Variants in FAT1 observed in about 807,000 individuals in gnomAD.
FAT1 encodes FAT atypical cadherin 1.
A neutral mutation model predicts 329.8 loss-of-function variants in FAT1; 171 were observed. The observed-to-expected ratio is 0.52, with a 90% CI of 0.46 to 0.59. FAT1 has a LOEUF of 0.59. Ranked by LOEUF, FAT1 falls within the 20% of genes least tolerant of loss-of-function variation. FAT1 has a pLI of 0.00. For missense variants in FAT1, 5,672 were observed against 5,774.4 expected, an observed-to-expected ratio of 0.98 and a Z score of 0.57; for synonymous variants, 2,233 against 2,228.6, an observed-to-expected ratio of 1.00 and a Z score of -0.06.
intron 11 of FAT1, among the ~76,000 whole-genome samples, chr4:186,616,310 C>T (rs971274141): frequency 1.3e-5 from 2 of 152,136 alleles, no homozygotes; most frequent in South Asian, 4.2e-4. Flanking sequence ...CCAGTTCACC[C>T]TTTTCCAAGA....
intron 1 of FAT1, among the ~76,000 whole-genome samples, chr4:186,718,877 C>G (rs564532852): frequency 6.6e-6 from 1 of 152,006 alleles, no homozygotes; most frequent in Non-Finnish European, 1.5e-5. Flanking sequence ...CAGCCGTTCC[C>G]GCATCACAAG....
chr4:186,614,711 A>C (rs144377699), intron 11 of FAT1, among the ~76,000 whole-genome samples: 65 of 152,366 alleles, frequency 4.3e-4, no homozygotes, highest in African/African-American at 1.4e-3. Flanking sequence ...CAGAGAATAA[A>C]TATCTGTCGT....
chr4:186,596,634 G>A lies in FAT1; in HGVS notation c.12906C>T (p.Cys4302=), dbSNP rs1317706320. 4.3e-6 allele frequency: 7 copies of A among 1,610,528 alleles called. No individual in the cohort carries two copies. The highest frequency in any genetic ancestry group is 5.9e-6 in the Non-Finnish European group (7 of 1,178,296). The stretch of plus-strand genomic sequence containing the variant: ...GGGGAGGCAGGTTTGGCGCCACGCT[G>A]CAGACCGCCACTGCTTTTCGGTGCC... ...VHGHRKAVAV[C]SVAPNLPPPP... is the part of the protein sequence containing the mutation. The change falls in exon 25 of 27, where the codon TGC becomes TGT. Residue 4302 remains cysteine (C), a synonymous_variant. Transcript: ENST00000441802. This position sits in a 1 kb window ranked among gnomAD's most constrained non-coding sequence, Gnocchi z 4.7.
At chr4:186,656,553 T>TACATCACAAACAC in intron 3 of FAT1, among the ~76,000 whole-genome samples, 1 of 149,298 alleles carries the variant, frequency 6.7e-6, no homozygotes. Flanking sequence ...CACATACACA[T>TACATCACAAACAC]ACATCACAAA....
At chr4:186,649,010 G>C (rs183224784) in intron 3 of FAT1, among the ~76,000 whole-genome samples, 207 of 152,142 alleles carry the variant, frequency 1.4e-3, no homozygotes, top group African/African-American at 4.8e-3. Flanking sequence ...TACTATTTGA[G>C]ATACAGAGAA....
intron 6 of FAT1, among the ~76,000 whole-genome samples, chr4:186,635,489 G>A (rs1278871660): frequency 6.6e-6 from 1 of 152,104 alleles, no homozygotes; most frequent in Non-Finnish European, 1.5e-5. Flanking sequence ...TGAAAATGAG[G>A]TAATATAAAA....
chr4:186,645,386 T>TATATGTACTTTAATAGATACTTCATTAC, intron 3 of FAT1, among the ~76,000 whole-genome samples: 13 of 80,222 alleles, frequency 1.6e-4, no homozygotes, highest in Non-Finnish European at 2.2e-4. Context: ...TATATATATA[T>TATATGTACTTTAATAGATACTTCATTAC]ATATATATAT....
intron 2 of FAT1, among the ~76,000 whole-genome samples, chr4:186,695,453 G>A (rs190246033): frequency 6.6e-6 from 1 of 152,294 alleles, no homozygotes; most frequent in East Asian, 1.9e-4. Context: ...GAAGGTATGG[G>A]AGACAGGGTG....
chr4:186,652,468 C>T (rs1579392147), intron 3 of FAT1, among the ~76,000 whole-genome samples: 1 of 152,136 alleles, frequency 6.6e-6, no homozygotes, highest in Admixed American at 6.5e-5. Flanking sequence ...TCATCAACAT[C>T]GGCAGAAATG....
intron 1 of FAT1, among the ~76,000 whole-genome samples, chr4:186,718,948 G>A (rs1745340574): frequency 6.6e-6 from 1 of 152,066 alleles, no homozygotes; most frequent in Non-Finnish European, 1.5e-5. Context: ...TGACACCTTT[G>A]ACACCACTCA....
At chr4:186,678,838 T>C (rs1038356450) in intron 2 of FAT1, among the ~76,000 whole-genome samples, 1 of 152,088 alleles carries the variant, frequency 6.6e-6, no homozygotes, top group Non-Finnish European at 1.5e-5. Context: ...GCAATCCCAT[T>C]ACTTGGTATA....
chr4:186,690,780 A>G (rs1743721127), intron 2 of FAT1, among the ~76,000 whole-genome samples: 1 of 152,214 alleles, frequency 6.6e-6, no homozygotes, highest in African/African-American at 2.4e-5. Flanking sequence ...CTAAACTTGC[A>G]TTTGAAATGG....
chr4:186,723,326 G>A (rs9685361), intron 1 of FAT1, among the ~76,000 whole-genome samples: 8,748 of 152,288 alleles, frequency 0.057, 499 homozygotes, highest in African/African-American at 0.15. Context: ...TTTCGCAGAC[G>A]GCGGGATGCC....
At chr4:186,595,340 C>T (rs1332448087) in intron 26 of FAT1, among the ~76,000 whole-genome samples, 5 of 151,520 alleles carry the variant, frequency 3.3e-5, no homozygotes, top group East Asian at 3.9e-4. Context: ...TGTTTGTGTG[C>T]GTGCTGCGTG....
Position 186,723,798 on chromosome 4 carries a change from C to T in FAT1, c.-153G>A, listed in dbSNP as rs372128708. The T allele has an allele frequency of 1.5e-5, 2 of 134,412 alleles. No individual in the cohort carries two copies. Among genetic ancestry groups the T allele is most frequent in the Non-Finnish European group, 3.3e-5 (2 of 61,440 alleles). The allele number at this position is 134,412 out of a possible 1,614,324, so 8.3% of individuals were successfully genotyped here. ...TCCGCATGGTACCTGCCGCACGAGC[C>T]GCTCCCGCGCCCTCTCCCCGCGCCC... On this transcript the variant is annotated 5_prime_UTR_variant, in exon 1 of 27. Transcript: ENST00000441802.
intron 3 of FAT1, among the ~76,000 whole-genome samples, chr4:186,651,735 G>C (rs984311270): frequency 6.6e-6 from 1 of 152,174 alleles, no homozygotes; most frequent in African/African-American, 2.4e-5. Context: ...GAGCAAACAC[G>C]CAGCTTCTCC....
chr4:186,628,483 C>A lies in FAT1; in HGVS notation c.4599+5G>T. 1 of 1,613,886 alleles carries A rather than the reference C, an allele frequency of 6.2e-7. No homozygotes were observed. The highest frequency in any genetic ancestry group is 8.5e-7 in the Non-Finnish European group (1 of 1,179,822). ...TGGTGGGAGGAGAGCGGGTAGAGCG[C>A]CTACCATGACCGTGAGGGTGTGCTG... On this transcript the variant is annotated splice_donor_5th_base_variant and intron_variant, in intron 8 of 26. Coordinates refer to ENST00000441802, the MANE Select transcript of FAT1 (RefSeq NM_005245.4).
At chr4:186,606,776 T>C (rs1739165296) in intron 16 of FAT1, among the ~76,000 whole-genome samples, 1 of 152,182 alleles carries the variant, frequency 6.6e-6, no homozygotes, top group Non-Finnish European at 1.5e-5. Context: ...AGAAAGAAAG[T>C]CAAGTGAGAT....
chr4:186,691,769 C>T (rs1743773106), intron 2 of FAT1, among the ~76,000 whole-genome samples: 1 of 152,096 alleles, frequency 6.6e-6, no homozygotes, highest in Non-Finnish European at 1.5e-5. Flanking sequence ...GATTGTGCCA[C>T]TGTACTCCAG....
Sources: gnomAD v4.1 joint callset for allele counts (sites outside exome capture counted in the v4.1 genomes callset) on GRCh38, gnomAD v4.1.1 for gene constraint, Gnocchi (gnomAD v3.1) non-coding constraint, MANE v1.5 for transcripts, NCBI Gene and HGNC (gene_info 2026-07-23, HGNC 2026-07-21) for gene names.